Variants in TYW1B observed in about 807,000 individuals in gnomAD.
TYW1B encodes the protein S-adenosyl-L-methionine-dependent tRNA 4-demethylwyosine synthase TYW1B.
TYW1B carries 73 observed loss-of-function variants against 86.9 expected under a neutral mutation model. That is an observed-to-expected ratio of 0.84 (90% CI 0.70 to 1.02). The LOEUF (loss-of-function observed/expected upper bound fraction) is 1.02, where lower values mean the gene tolerates loss of function less well. Ranked by LOEUF, TYW1B falls within the 50% of genes least tolerant of loss-of-function variation. The pLI is 0.00. For synonymous variants in TYW1B, 248 were observed against 292.8 expected (o/e 0.85, Z 1.56); for missense variants, 637 against 827.4 (o/e 0.77, Z 2.82).
At chr7:72,588,440 TGTGCAAAACCTAAATGGAGATACACAA>T (rs1811325722) in intron 13 of TYW1B, among the ~76,000 whole-genome samples, 1 of 152,196 alleles carries the variant, frequency 6.6e-6, no homozygotes, top group African/African-American at 2.4e-5. Context: ...AAGAGAATAC[TGTGCAAAACCTAAATGGAGATACACAA>T]GTCCCTTCTT....
chr7:72,647,355 T>C (rs1452282887), intron 11 of TYW1B, among the ~76,000 whole-genome samples: 6 of 152,192 alleles, frequency 3.9e-5, no homozygotes, highest in African/African-American at 1.4e-4. Flanking sequence ...TTTCTAAAAA[T>C]GTAGCCTATG....
chr7:72,667,414 A>T (rs1450965600), intron 11 of TYW1B, among the ~76,000 whole-genome samples: 1 of 152,140 alleles, frequency 6.6e-6, no homozygotes, highest in Non-Finnish European at 1.5e-5. Context: ...GGAAGTTTGG[A>T]TATTAAAAAC....
intron 7 of TYW1B, among the ~76,000 whole-genome samples, chr7:72,774,529 T>C (rs570527728): frequency 6.6e-6 from 1 of 152,108 alleles, no homozygotes; most frequent in Non-Finnish European, 1.5e-5. Context: ...GAGACCATCC[T>C]GGCTAACACG....
At chr7:72,659,791 GGA>G (rs1813288842) in intron 11 of TYW1B, among the ~76,000 whole-genome samples, 1 of 152,116 alleles carries the variant, frequency 6.6e-6, no homozygotes, top group South Asian at 2.1e-4. Context: ...AACCCCCAAA[GGA>G]GAGAGTTTCA....
chr7:72,623,244 T>A (rs1554438280), intron 12 of TYW1B, among the ~76,000 whole-genome samples: 1 of 152,096 alleles, frequency 6.6e-6, no homozygotes, highest in Admixed American at 6.6e-5. Context: ...AACAAAAAGA[T>A]AAGCAACTCA....
chr7:72,825,870 A>T (rs1554481339), intron 2 of TYW1B, among the ~76,000 whole-genome samples: 1 of 152,154 alleles, frequency 6.6e-6, no homozygotes, highest in African/African-American at 2.4e-5. Context: ...GACAGTGACC[A>T]TCAGACACCA....
intron 11 of TYW1B, among the ~76,000 whole-genome samples, chr7:72,638,397 C>T (rs1812722413): frequency 6.6e-6 from 1 of 152,170 alleles, no homozygotes; most frequent in South Asian, 2.1e-4. Context: ...TCCATCACAT[C>T]AACAAGATAA....
At chr7:72,799,871 A>G (rs1480025470) in intron 6 of TYW1B, among the ~76,000 whole-genome samples, 1 of 152,118 alleles carries the variant, frequency 6.6e-6, no homozygotes, top group Non-Finnish European at 1.5e-5. Flanking sequence ...GATTTTCCTT[A>G]TGGCCATATA....
chr7:72,812,522 A>G (rs1554478567), intron 3 of TYW1B, among the ~76,000 whole-genome samples: 1 of 152,164 alleles, frequency 6.6e-6, no homozygotes, highest in Non-Finnish European at 1.5e-5. Flanking sequence ...ACAAGTATCA[A>G]AGTTTGCTAA....
Position 72,616,810 on chromosome 7 carries a change from T to C in TYW1B, c.1647A>G (p.Ala549=), listed in dbSNP as rs782597804. 8.1e-6 allele frequency: 13 copies of C among 1,614,086 alleles called. No individual in the cohort carries two copies. The South Asian group carries it at 1.3e-4, about 16-fold the overall frequency. The change falls in exon 13 of 14, where the codon GCA becomes GCG. Residue 549 remains alanine (A), a synonymous_variant. Transcript: ENST00000620995. The stretch of plus-strand genomic sequence containing the variant: ...GCACATGGGCCATGGTAAGACTGCT[T>C]GCTGAACTTTCTCTGCAGTAGGTAA... ...KGVTYCRESS[A]SSLTMAHVPW... is the part of the protein sequence containing the mutation.
intron 12 of TYW1B, among the ~76,000 whole-genome samples, chr7:72,622,908 A>ACTC (rs1812259192): frequency 2.0e-5 from 3 of 152,012 alleles, no homozygotes. Context: ...CCATGACGCC[A>ACTC]CTCCCGCATT....
intron 11 of TYW1B, among the ~76,000 whole-genome samples, chr7:72,645,534 T>C (rs1812908633): frequency 6.6e-6 from 1 of 152,162 alleles, no homozygotes; most frequent in Non-Finnish European, 1.5e-5. Flanking sequence ...CAGGATGCAA[T>C]GTGAATATCC....
intron 11 of TYW1B, 55 bp from the exon 12 acceptor site, chr7:72,629,052 A>T: frequency 6.6e-7 from 1 of 1,511,658 alleles, no homozygotes; most frequent in African/African-American, 1.4e-5. Context: ...TCACCTCTTA[A>T]CCTAGAGGGT....
intron 9 of TYW1B, among the ~76,000 whole-genome samples, chr7:72,720,054 T>C (rs1786866744): frequency 6.6e-6 from 1 of 152,036 alleles, no homozygotes. Flanking sequence ...AATGGTGGCT[T>C]GGACCAAGGT....
chr7:72,758,821 T>C (rs903689794), intron 7 of TYW1B, among the ~76,000 whole-genome samples: 3 of 152,236 alleles, frequency 2.0e-5, no homozygotes, highest in Admixed American at 6.5e-5. Context: ...TCTTGGTTTC[T>C]ACAAAATCGA....
chr7:72,735,569 TAAA>T (rs1169710498), intron 8 of TYW1B, among the ~76,000 whole-genome samples: 58 of 118,656 alleles, frequency 4.9e-4, no homozygotes, highest in Admixed American at 7.0e-4. Flanking sequence ...GACTCTGCCT[TAAA>T]AAAAAAAAAA....
At chr7:72,709,966 A>G (rs1287651243) in intron 10 of TYW1B, among the ~76,000 whole-genome samples, 1 of 152,196 alleles carries the variant, frequency 6.6e-6, no homozygotes, top group Non-Finnish European at 1.5e-5. Context: ...ATCTTGTCGT[A>G]TTCCACGATC....
At chr7:72,755,004 T>C (rs535636268) in intron 7 of TYW1B, among the ~76,000 whole-genome samples, 1 of 152,306 alleles carries the variant, frequency 6.6e-6, no homozygotes, top group Admixed American at 6.5e-5. Flanking sequence ...GCACTGAGTC[T>C]GATATTACTG....
rs528283614 is a variant in TYW1B at position 72,585,311 on chromosome 7, A to G, written c.1786-9592T>C. The stretch of plus-strand genomic sequence containing the variant: ...ATACAAAGGTCTCATAGTTCTACAC[A>G]TTCAAGAGTTGAAATAAGAAGGAAA... On this transcript the variant is annotated intron_variant, in intron 13 of 13. Coordinates refer to ENST00000620995, the MANE Select transcript of TYW1B (RefSeq NM_001145440.3). Among the ~76,000 whole-genome samples, 7 of 152,378 alleles carry G rather than the reference A, an allele frequency of 4.6e-5. No individual in the cohort carries two copies. In the East Asian group the frequency reaches 1.3e-3, roughly 29 times the overall value.
Sources: gnomAD v4.1 joint callset for allele counts (sites outside exome capture counted in the v4.1 genomes callset) on GRCh38, gnomAD v4.1.1 for gene constraint, MANE v1.5 for transcripts, NCBI Gene and HGNC (gene_info 2026-07-23, HGNC 2026-07-21) for gene names.